PKP4: variants seen among roughly 807,000 people sequenced by gnomAD.
PKP4 encodes the protein plakophilin 4, also known as plakophilin-4.
Under a neutral mutation model 145.1 loss-of-function variants are expected in PKP4, and 90 were observed. The observed-to-expected ratio is 0.62, with a 90% CI of 0.52 to 0.74. The LOEUF (loss-of-function observed/expected upper bound fraction) is 0.74, where lower values mean the gene tolerates loss of function less well. Ranked by LOEUF, PKP4 falls within the 30% of genes least tolerant of loss-of-function variation. PKP4 has a pLI of 0.00. For synonymous variants in PKP4, 563 were observed against 577.2 expected, an observed-to-expected ratio of 0.98 and a Z score of 0.35; for missense variants, 1,340 against 1,482.7, an observed-to-expected ratio of 0.90 and a Z score of 1.58.
chr2:158,600,855 G>A (rs955429603), intron 3 of PKP4, among the ~76,000 whole-genome samples: 1 of 152,050 alleles, frequency 6.6e-6, no homozygotes, highest in Non-Finnish European at 1.5e-5. Context: ...TTAAATGGAG[G>A]AGGGAATATT....
At chr2:158,481,919 ATTATT>A (rs1368619351) in intron 1 of PKP4, among the ~76,000 whole-genome samples, 1 of 152,222 alleles carries the variant, frequency 6.6e-6, no homozygotes, top group African/African-American at 2.4e-5. Context: ...ATGGTGCCAA[ATTATT>A]TTATAACTTT....
intron 1 of PKP4, among the ~76,000 whole-genome samples, chr2:158,508,366 CAAAAAA>C (rs747754927): frequency 0.093 from 10,808 of 115,866 alleles, 533 homozygotes; most frequent in Middle Eastern, 0.25. Context: ...AACTCCGTCT[CAAAAAA>C]AAAAAAAAAA....
intron 9 of PKP4, 90 bp downstream of exon 9, chr2:158,634,379 A>G: frequency 1.2e-6 from 1 of 858,952 alleles, no homozygotes; most frequent in South Asian, 1.4e-5. Context: ...TGCTAAGTCT[A>G]TTATACTATC....
At chr2:158,462,580 A>G (rs1689934654) in intron 1 of PKP4, among the ~76,000 whole-genome samples, 1 of 152,146 alleles carries the variant, frequency 6.6e-6, no homozygotes, top group South Asian at 2.1e-4. Flanking sequence ...ACATGTTTTC[A>G]AAGTCTTGCT....
At chr2:158,517,542 A>G (rs1180489088) in intron 1 of PKP4, among the ~76,000 whole-genome samples, 5 of 152,116 alleles carry the variant, frequency 3.3e-5, no homozygotes, top group African/African-American at 1.2e-4. Flanking sequence ...TTGTACTTTT[A>G]CACCTGGTTT....
At position 158,663,304 on chromosome 2, in the gene PKP4, G is replaced by A. The variant is rs559698462; in HGVS notation, c.2436G>A (p.Ser812=). The A allele has an allele frequency of 8.1e-6, 13 of 1,613,970 alleles. No individual in the cohort carries two copies. Among genetic ancestry groups the A allele is most frequent in the East Asian group, 4.5e-5 (2 of 44,860 alleles). ...WDGVGPIPGL[S]KSPKGVEMLW... ...GAGTTGGTCCTATCCCAGGACTGTC[G>A]AAGTCCCCCAAAGGGGTTGAGATGC... Residue 812 remains serine (S), a synonymous_variant, in exon 15 of 22, where the codon TCG becomes TCA. Coordinates refer to ENST00000389759, the MANE Select transcript of PKP4 (RefSeq NM_003628.6).
At chr2:158,563,567 G>GTA (rs928727945) in intron 2 of PKP4, among the ~76,000 whole-genome samples, 4 of 152,090 alleles carry the variant, frequency 2.6e-5, no homozygotes, top group South Asian at 2.1e-4. Flanking sequence ...TTATGTAGAT[G>GTA]TATATATATA....
intron 1 of PKP4, among the ~76,000 whole-genome samples, chr2:158,485,101 G>A (rs916990251): frequency 2.0e-5 from 3 of 152,134 alleles, no homozygotes; most frequent in African/African-American, 7.2e-5. Flanking sequence ...GCCTCACCGT[G>A]GTCTACAAGG....
At chr2:158,667,533 A>G (rs1263310574) in intron 16 of PKP4, among the ~76,000 whole-genome samples, 1 of 152,204 alleles carries the variant, frequency 6.6e-6, no homozygotes, top group African/African-American at 2.4e-5. Flanking sequence ...GTGAATCTAT[A>G]GTAAACTTAA....
intron 4 of PKP4, among the ~76,000 whole-genome samples, chr2:158,610,886 T>C (rs907197845): frequency 6.6e-6 from 1 of 152,174 alleles, no homozygotes; most frequent in Non-Finnish European, 1.5e-5. Flanking sequence ...AATGTGCTGC[T>C]CTGTCCCCAC....
chr2:158,490,018 A>G (rs1694716910), intron 1 of PKP4, among the ~76,000 whole-genome samples: 3 of 152,166 alleles, frequency 2.0e-5, no homozygotes, highest in Non-Finnish European at 4.4e-5. Flanking sequence ...TAAGACAACA[A>G]TTAGGGGAAG....
intron 1 of PKP4, among the ~76,000 whole-genome samples, chr2:158,471,164 A>G (rs1281889541): frequency 1.3e-5 from 2 of 152,202 alleles, no homozygotes; most frequent in Admixed American, 6.5e-5. Context: ...TTTGGTTGAA[A>G]AAGTTTTAAG....
chr2:158,645,881 T>C (rs1358000717), intron 11 of PKP4, among the ~76,000 whole-genome samples: 1 of 152,200 alleles, frequency 6.6e-6, no homozygotes, highest in Non-Finnish European at 1.5e-5. Context: ...CATTTAAAAA[T>C]AAGTCAAAAT....
chr2:158,661,222 T>C lies in PKP4; in HGVS notation c.2094-111T>C. 5.4e-6 allele frequency: 4 copies of C among 742,810 alleles called. No homozygotes were observed. In the South Asian group the frequency reaches 6.3e-5, roughly 12 times the overall value. 46.0% of individuals were successfully genotyped at this position (742,810 alleles called of 1,614,324 possible). On this transcript the variant is annotated intron_variant, in intron 12 of 21. Coordinates refer to ENST00000389759, the MANE Select transcript of PKP4 (RefSeq NM_003628.6). ...CAAGCCCCCAGTGCCTCCTCCGACC[T>C]CTAAGTGGCTGCCACCTGTTGTTCG... is the stretch of plus-strand genomic sequence containing the variant.
At chr2:158,598,253 C>G (rs777170474) in intron 3 of PKP4, among the ~76,000 whole-genome samples, 1 of 152,096 alleles carries the variant, frequency 6.6e-6, no homozygotes, top group Non-Finnish European at 1.5e-5. Flanking sequence ...TGCTAAGAGA[C>G]TAGTAACAGT....
intron 3 of PKP4, among the ~76,000 whole-genome samples, chr2:158,596,295 C>T (rs1023651181): frequency 1.3e-5 from 2 of 152,124 alleles, no homozygotes; most frequent in Non-Finnish European, 2.9e-5. Context: ...CCTGAAGCCA[C>T]TGAGATTTCA....
At chr2:158,663,660 G>T (rs2056819988) in intron 15 of PKP4, among the ~76,000 whole-genome samples, 2 of 152,184 alleles carry the variant, frequency 1.3e-5, no homozygotes, top group Admixed American at 1.3e-4. Context: ...ATGAGAAACA[G>T]AAGGCTAGTG....
At chr2:158,633,006 A>G (rs894229875) in intron 8 of PKP4, among the ~76,000 whole-genome samples, 2 of 152,226 alleles carry the variant, frequency 1.3e-5, no homozygotes, top group African/African-American at 4.8e-5. Flanking sequence ...AGTGTAGAGT[A>G]TCTTTGTAAT....
Position 158,625,431 on chromosome 2 carries a change from C to T in PKP4, c.1153+4C>T, listed in dbSNP as rs769016739. 31 of 1,600,332 alleles carry T rather than the reference C, an allele frequency of 1.9e-5. No homozygotes were observed. The highest frequency in any genetic ancestry group is 2.6e-5 in the Non-Finnish European group (30 of 1,170,062). ...CCCAGGCCAGACAGCCTGACAGGTG[C>T]GTACAAGGTGACAGTGCTACATAAA... On this transcript the variant is annotated splice_donor_region_variant and intron_variant, in intron 7 of 21. Transcript: ENST00000389759.
Sources: gnomAD v4.1 joint callset for allele counts (sites outside exome capture counted in the v4.1 genomes callset) on GRCh38, gnomAD v4.1.1 for gene constraint, MANE v1.5 for transcripts, NCBI Gene and HGNC (gene_info 2026-07-23, HGNC 2026-07-21) for gene names.